Variants in IMMP2L observed in about 807,000 individuals in gnomAD.
IMMP2L encodes inner mitochondrial membrane peptidase subunit 2.
IMMP2L carries 18 observed loss-of-function variants against 19.3 expected under a neutral mutation model. The observed-to-expected ratio is 0.93, with a 90% confidence interval of 0.64 to 1.38. The LOEUF (loss-of-function observed/expected upper bound fraction) is 1.38. Ranked by LOEUF, IMMP2L falls within the 40% of genes most tolerant of loss-of-function variation. IMMP2L has a pLI of 0.00. For synonymous variants in IMMP2L, 76 were observed against 73.0 expected (o/e 1.04, Z -0.21); for missense variants, 233 against 218.2 (o/e 1.07, Z -0.43).
At chr7:110,999,412 T>C (rs931941553) in intron 3 of IMMP2L, among the ~76,000 whole-genome samples, 7 of 151,612 alleles carry the variant, frequency 4.6e-5, no homozygotes, top group African/African-American at 1.7e-4. Flanking sequence ...TTTTTTTCTG[T>C]TTGTCTTCTT....
At chr7:111,527,304 C>T (rs571930335) in intron 1 of IMMP2L, among the ~76,000 whole-genome samples, 1 of 151,490 alleles carries the variant, frequency 6.6e-6, no homozygotes, top group East Asian at 2.0e-4. Context: ...GTAGTCCTAT[C>T]TACTTGGGAG....
chr7:111,191,678 T>C (rs1204157530), intron 3 of IMMP2L, among the ~76,000 whole-genome samples: 1 of 152,064 alleles, frequency 6.6e-6, no homozygotes, highest in Non-Finnish European at 1.5e-5. Flanking sequence ...AAACATGTCT[T>C]GAGACCAGTT....
intron 3 of IMMP2L, among the ~76,000 whole-genome samples, chr7:111,283,372 C>G (rs57412316): frequency 0.023 from 3,433 of 152,058 alleles, 136 homozygotes; most frequent in African/African-American, 0.078. Flanking sequence ...AACTACAGAA[C>G]AGAGGAAGTA....
At chr7:111,027,729 G>A (rs1826998683) in intron 3 of IMMP2L, among the ~76,000 whole-genome samples, 1 of 152,028 alleles carries the variant, frequency 6.6e-6, no homozygotes, top group African/African-American at 2.4e-5. Flanking sequence ...TATGTACAGG[G>A]AAGTCTAATA....
In IMMP2L at chr7:111,521,444, C is replaced by T; in HGVS notation, c.4G>A (p.Ala2Thr). 6.3e-7 allele frequency: 1 copy of T among 1,595,224 alleles called. No individual in the cohort carries two copies. Among genetic ancestry groups the T allele is most frequent in the Non-Finnish European group, 8.5e-7 (1 of 1,172,846 alleles). ...CTTTTCACCCACCCTTGTGACTGTGCCATACCTAAAAATACAAAGAAAACA... is the reference window on the plus strand; with the variant it reads ...CTTTTCACCCACCCTTGTGACTGTGTCATACCTAAAAATACAAAGAAAACA... M[A>T]QSQGWVKRYI... The change falls in exon 2 of 6, where the codon GCA (alanine) becomes ACA (threonine). Residue 2 changes from alanine (A) to threonine (T), a missense_variant. Physicochemically the swap from Ala to Thr is moderately conservative, Grantham distance 58. Transcript: ENST00000405709.
intron 3 of IMMP2L, among the ~76,000 whole-genome samples, chr7:111,077,839 T>C (rs1336340776): frequency 1.4e-4 from 22 of 152,234 alleles, no homozygotes. Context: ...TCATTACTCA[T>C]GCACACTGGC....
intron 3 of IMMP2L, among the ~76,000 whole-genome samples, chr7:111,357,677 A>C (rs1828852667): frequency 6.6e-6 from 1 of 152,178 alleles, no homozygotes; most frequent in African/African-American, 2.4e-5. Context: ...ATTTTTATTA[A>C]ACAGAATAAA....
intron 5 of IMMP2L, among the ~76,000 whole-genome samples, chr7:110,766,842 C>T (rs1374247931): frequency 6.6e-6 from 1 of 152,000 alleles, no homozygotes; most frequent in Non-Finnish European, 1.5e-5. Flanking sequence ...CTGATGAATT[C>T]AGAGCAGTTG....
At chr7:110,895,287 G>T (rs1216154207) in intron 4 of IMMP2L, among the ~76,000 whole-genome samples, 1 of 152,118 alleles carries the variant, frequency 6.6e-6, no homozygotes, top group Non-Finnish European at 1.5e-5. Flanking sequence ...TGACATGTGG[G>T]AATTGTGGGA....
chr7:110,748,495 A>G (rs1797508122), intron 5 of IMMP2L, among the ~76,000 whole-genome samples: 2 of 152,224 alleles, frequency 1.3e-5, no homozygotes, highest in South Asian at 4.1e-4. Flanking sequence ...CTGACTTCAA[A>G]CTACATTACA....
At chr7:110,890,412 G>A (rs990519745) in intron 4 of IMMP2L, among the ~76,000 whole-genome samples, 16 of 152,106 alleles carry the variant, frequency 1.1e-4, no homozygotes, top group Non-Finnish European at 1.6e-4. Flanking sequence ...TAAAATTCAC[G>A]CTATATCCTA....
At chr7:110,901,377 A>G (rs1369574031) in intron 4 of IMMP2L, among the ~76,000 whole-genome samples, 3 of 152,194 alleles carry the variant, frequency 2.0e-5, no homozygotes, top group Admixed American at 1.3e-4. Context: ...AGAATACCAT[A>G]AACAATTAAG....
In IMMP2L at chr7:111,252,392, C is replaced by T. The variant is rs764907196; in HGVS notation, c.239+234846G>A. ...AAGTTCTGAATTAGGCAGTATAAAA[C>T]GAGACCTGGAAAATGGATTCAACAG... On this transcript the variant is annotated intron_variant, in intron 3 of 5. Transcript: ENST00000405709. 7.8e-4 allele frequency among the ~76,000 whole-genome samples: 118 copies of T among 152,174 alleles called. 2 individuals are homozygous for T. Among genetic ancestry groups the T allele is most frequent in the Admixed American group, 4.8e-3 (73 of 15,264 alleles).
chr7:111,355,368 T>C (rs931857007), intron 3 of IMMP2L, among the ~76,000 whole-genome samples: 2 of 151,872 alleles, frequency 1.3e-5, no homozygotes, highest in Non-Finnish European at 2.9e-5. Context: ...ATTTATACAC[T>C]ATAAATCTTT....
intron 5 of IMMP2L, among the ~76,000 whole-genome samples, chr7:110,669,994 A>G (rs1360945577): frequency 1.3e-5 from 2 of 152,232 alleles, no homozygotes; most frequent in East Asian, 3.9e-4. Context: ...ACACATTGTT[A>G]TGTGCTAAAT....
At chr7:110,815,256 G>A (rs1802391236) in intron 5 of IMMP2L, among the ~76,000 whole-genome samples, 1 of 152,062 alleles carries the variant, frequency 6.6e-6, no homozygotes, top group South Asian at 2.1e-4. Flanking sequence ...CTGTTTATAT[G>A]CTGGATTACA....
intron 5 of IMMP2L, among the ~76,000 whole-genome samples, chr7:110,762,288 A>G (rs1798396774): frequency 6.6e-6 from 1 of 152,028 alleles, no homozygotes. Flanking sequence ...GTGCTCAAAA[A>G]TGTATAAAAT....
chr7:111,424,764 C>T (rs1302426918), intron 3 of IMMP2L, among the ~76,000 whole-genome samples: 2 of 151,708 alleles, frequency 1.3e-5, no homozygotes, highest in African/African-American at 4.9e-5. Flanking sequence ...AAATATTAAG[C>T]AATTCTACCA....
At chr7:111,080,510 A>T (rs1009381533) in intron 3 of IMMP2L, among the ~76,000 whole-genome samples, 1 of 4,876 alleles carries the variant, frequency 2.1e-4, no homozygotes, top group African/African-American at 3.5e-4. Flanking sequence ...ATAATATATA[A>T]TGTGTGTATA....
Sources: gnomAD v4.1 joint callset for allele counts (sites outside exome capture counted in the v4.1 genomes callset) on GRCh38, gnomAD v4.1.1 for gene constraint, MANE v1.5 for transcripts, NCBI Gene and HGNC (gene_info 2026-07-23, HGNC 2026-07-21) for gene names.